The following TTC39C variants were observed in gnomAD, a reference collection of about 807,000 sequenced individuals.
The protein encoded by TTC39C is tetratricopeptide repeat domain 39C.
Under a neutral mutation model 76.3 loss-of-function variants are expected in TTC39C, and 33 were observed. The ratio of observed to expected loss-of-function variants is 0.43; its 90% confidence interval spans 0.33 to 0.58. The LOEUF (loss-of-function observed/expected upper bound fraction) is 0.58, where lower values mean the gene tolerates loss of function less well. Among genes scored for constraint, TTC39C ranks in the 20% least tolerant of loss-of-function variants. TTC39C has a pLI of 0.04. For missense variants in TTC39C, 595 were observed against 701.4 expected, an observed-to-expected ratio of 0.85 and a Z score of 1.71; for synonymous variants, 254 against 260.6, an observed-to-expected ratio of 0.97 and a Z score of 0.24.
At chr18:24,042,592 T>G (rs1369779554) in intron 1 of TTC39C, among the ~76,000 whole-genome samples, 1 of 152,188 alleles carries the variant, frequency 6.6e-6, no homozygotes, top group Non-Finnish European at 1.5e-5. Flanking sequence ...AGTGAACATC[T>G]TTATACACGT....
chr18:24,048,794 G>A (rs1242080424), intron 1 of TTC39C, among the ~76,000 whole-genome samples: 2 of 152,170 alleles, frequency 1.3e-5, no homozygotes, highest in Non-Finnish European at 2.9e-5. Flanking sequence ...TCTTAAGTGG[G>A]CTTTTCAAAG....
intron 10 of TTC39C, among the ~76,000 whole-genome samples, chr18:24,126,915 G>A (rs59972546): frequency 6.6e-6 from 1 of 152,270 alleles, no homozygotes; most frequent in South Asian, 2.1e-4. Flanking sequence ...GAACAATGAA[G>A]AATATTAAGT....
rs546426202 is a variant in TTC39C, at chr18:24,034,970, T to C, written c.167+19932T>C. Reference sequence around the variant, plus strand: ...CAAATATCTGAGCTCCTGCTTTCAGTTTTTTCGGGTATATACCCAGAAGTG... The same window carrying C: ...CAAATATCTGAGCTCCTGCTTTCAGCTTTTTCGGGTATATACCCAGAAGTG... On this transcript the variant is annotated intron_variant, in intron 1 of 13. Transcript: ENST00000317571. Among the ~76,000 whole-genome samples, 7 of 152,312 alleles carry C rather than the reference T, an allele frequency of 4.6e-5. No homozygotes were observed. In the South Asian group the frequency reaches 1.0e-3, roughly 23 times the overall value.
In TTC39C at chr18:24,132,560, T is replaced by A; in HGVS notation, c.1738T>A (p.Leu580Met). Residue 580 changes from leucine to methionine, a missense_variant, in exon 14 of 14, where the codon TTG becomes ATG. Physicochemically the swap from Leu to Met is conservative, Grantham distance 15 (BLOSUM62 2). Coordinates refer to ENST00000317571, the MANE Select transcript of TTC39C (RefSeq NM_001135993.2). The part of the protein sequence containing the change: ...IHAALASLRE[L>M]VPQ The stretch of plus-strand genomic sequence containing the variant: ...TGCTGCTCTGGCCTCTCTGAGGGAA[T>A]TGGTTCCTCAGTGACAGACCCGGAA... The A allele has an allele frequency of 6.2e-7, 1 of 1,613,736 alleles. No individual in the cohort carries two copies. Among genetic ancestry groups the A allele is most frequent in the South Asian group, 1.1e-5 (1 of 91,006 alleles).
At chr18:24,021,920 G>A (rs1443343406) in intron 1 of TTC39C, among the ~76,000 whole-genome samples, 1 of 152,224 alleles carries the variant, frequency 6.6e-6, no homozygotes, top group Non-Finnish European at 1.5e-5. Flanking sequence ...ACAAAGGTGA[G>A]AGGCAGGTCT....
intron 6 of TTC39C, among the ~76,000 whole-genome samples, chr18:24,084,388 G>A (rs1195894915): frequency 6.6e-6 from 1 of 152,078 alleles, no homozygotes; most frequent in Non-Finnish European, 1.5e-5. Flanking sequence ...GGGAGGCTGA[G>A]ACACGAGAAT....
At chr18:24,067,818 T>C (rs2084184890) in intron 3 of TTC39C, among the ~76,000 whole-genome samples, 1 of 152,202 alleles carries the variant, frequency 6.6e-6, no homozygotes, top group African/African-American at 2.4e-5. Context: ...GTGGCCCCTC[T>C]CACCAGCCAT....
In TTC39C at chr18:24,069,321, T is replaced by G. The variant is rs763095797; in HGVS notation, c.460+50T>G. 7 of 1,467,300 alleles carry G rather than the reference T, an allele frequency of 4.8e-6. No homozygotes were observed. In the African/African-American group the frequency reaches 9.7e-5, roughly 20 times the overall value. The allele number at this position is 1,467,300 out of a possible 1,614,324, so 90.9% of individuals were successfully genotyped here. Reference sequence around the variant, plus strand: ...GGTTTTCAGTATTCAGTGCACACAATTAGTAATATGCTTTTTTAAGAATGC... The same window carrying G: ...GGTTTTCAGTATTCAGTGCACACAAGTAGTAATATGCTTTTTTAAGAATGC... On this transcript the variant is annotated intron_variant, in intron 4 of 13. Transcript: ENST00000317571.
intron 6 of TTC39C, among the ~76,000 whole-genome samples, chr18:24,101,127 T>G (rs2084668207): frequency 6.6e-6 from 1 of 152,176 alleles, no homozygotes; most frequent in South Asian, 2.1e-4. Flanking sequence ...TTGTGAGATC[T>G]CTTCCAACTT....
intron 6 of TTC39C, among the ~76,000 whole-genome samples, chr18:24,097,385 C>T (rs2084603637): frequency 6.6e-6 from 1 of 152,218 alleles, no homozygotes; most frequent in African/African-American, 2.4e-5. Flanking sequence ...ATTTCATCTC[C>T]TATTACAGTT....
In TTC39C at chr18:24,132,759, AATG is replaced by A; in HGVS notation, c.*189_*191del. ...TTTAAACATGTAGCTGAAAAGTAAT[AATG>A]ATGTTGAGGAGGATGATGATGGTAA... is the stretch of plus-strand genomic sequence containing the variant. On this transcript the variant is annotated 3_prime_UTR_variant, in exon 14 of 14. Transcript: ENST00000317571. The A allele has an allele frequency of 2.0e-6, 1 of 495,370 alleles. No individual in the cohort carries two copies. Among genetic ancestry groups the A allele is most frequent in the Non-Finnish European group, 3.5e-6 (1 of 283,386 alleles). 30.7% of individuals were successfully genotyped at this position (495,370 alleles called of 1,614,324 possible). A position where few individuals can be genotyped will look rare whatever the true frequency, so the allele number is the denominator to read the frequency against.
rs566358023 is a variant in TTC39C at position 24,074,844 on chromosome 18, A to G, written c.460+5573A>G. Among the ~76,000 whole-genome samples, 18 of 152,332 alleles carry G rather than the reference A, an allele frequency of 1.2e-4. No homozygotes were observed. In the East Asian group the frequency reaches 2.5e-3, roughly 21 times the overall value. On this transcript the variant is annotated intron_variant, in intron 4 of 13. Transcript: ENST00000317571. ...ATAAATCATGCTGCTATAAAGACAC[A>G]TGCACATGTATGTTTATTGCGGCAC...
chr18:24,055,148 G>A (rs2083999423), intron 1 of TTC39C, among the ~76,000 whole-genome samples: 1 of 152,022 alleles, frequency 6.6e-6, no homozygotes, highest in South Asian at 2.1e-4. Flanking sequence ...ATCTGTCTAT[G>A]GGCACTTGAG....
At chr18:24,027,179 C>G (rs936569215) in intron 1 of TTC39C, among the ~76,000 whole-genome samples, 6 of 151,932 alleles carry the variant, frequency 3.9e-5, no homozygotes, top group Admixed American at 3.3e-4. Context: ...GTAGTCCCAG[C>G]TACTCAGGAA....
At chr18:24,093,463 A>G (rs532595630) in intron 6 of TTC39C, among the ~76,000 whole-genome samples, 1 of 145,998 alleles carries the variant, frequency 6.8e-6, no homozygotes, top group African/African-American at 2.6e-5. Context: ...TGGGTGACAG[A>G]GTGAGACTCT....
intron 3 of TTC39C, among the ~76,000 whole-genome samples, chr18:24,067,528 A>G (rs921349107): frequency 6.6e-6 from 1 of 152,186 alleles, no homozygotes; most frequent in African/African-American, 2.4e-5. Flanking sequence ...TGTCAGATCA[A>G]GAGTGTCATG....
intron 6 of TTC39C, among the ~76,000 whole-genome samples, chr18:24,088,549 C>A (rs2084475444): frequency 6.6e-6 from 1 of 152,122 alleles, no homozygotes; most frequent in South Asian, 2.1e-4. Flanking sequence ...GCCCTTGGAG[C>A]CTCATTATAT....
chr18:24,077,260 C>G (rs2084318993), intron 4 of TTC39C: 1 of 152,144 alleles, frequency 6.6e-6, no homozygotes, highest in African/African-American at 2.4e-5. Context: ...CTGAGGTAGC[C>G]TGGAAAATAC....
upstream of TTC39C, among the ~76,000 whole-genome samples, chr18:24,011,005 G>C (rs772760123): frequency 8.5e-5 from 13 of 152,110 alleles, no homozygotes; most frequent in Non-Finnish European, 1.5e-5. Flanking sequence ...CCATGATCTC[G>C]CCCCTGCATT....
Sources: allele counts gnomAD v4.1 joint callset (sites outside exome capture counted in the v4.1 genomes callset), GRCh38; gene constraint gnomAD v4.1.1; transcripts MANE v1.5; gene names NCBI Gene and HGNC (gene_info 2026-07-23, HGNC 2026-07-21).